CACNA2D3: variants seen among roughly 807,000 people sequenced by gnomAD.
The protein encoded by CACNA2D3 is calcium voltage-gated channel auxiliary subunit alpha2delta 3, also known as voltage-dependent calcium channel subunit alpha-2/delta-3.
CACNA2D3 carries 60 observed loss-of-function variants against 160.6 expected under a neutral mutation model. The ratio of observed to expected loss-of-function variants is 0.37; its 90% confidence interval spans 0.30 to 0.46. The LOEUF (loss-of-function observed/expected upper bound fraction) is 0.46, where lower values mean the gene tolerates loss of function less well. Ranked by LOEUF, CACNA2D3 falls within the 20% of genes least tolerant of loss-of-function variation. The probability of loss-of-function intolerance (pLI) is 1.00; values close to 1 mark genes in which losing one functional copy is unlikely to be tolerated. For missense variants in CACNA2D3, 1,205 were observed against 1,365.0 expected (o/e 0.88, Z 1.85); for synonymous variants, 558 against 492.9 (o/e 1.13, Z -1.75).
intron 13 of CACNA2D3, among the ~76,000 whole-genome samples, chr3:54,766,985 A>G (rs72874220): frequency 6.7e-4 from 102 of 151,434 alleles, no homozygotes; most frequent in African/African-American, 2.2e-3. Flanking sequence ...CCAGAAACCA[A>G]CAGAACTGGT....
chr3:54,708,075 T>C (rs1461188173), intron 11 of CACNA2D3, among the ~76,000 whole-genome samples: 1 of 152,194 alleles, frequency 6.6e-6, no homozygotes, highest in Non-Finnish European at 1.5e-5. Flanking sequence ...GGTAATTGTT[T>C]ATTTGAAGCC....
intron 2 of CACNA2D3, among the ~76,000 whole-genome samples, chr3:54,165,620 G>C (rs796177401): frequency 8.9e-6 from 1 of 111,876 alleles, no homozygotes; most frequent in African/African-American, 3.2e-5. Flanking sequence ...AAAAAAAAAA[G>C]AAAAATTAGC....
intron 27 of CACNA2D3, among the ~76,000 whole-genome samples, chr3:54,940,318 T>C (rs992114685): frequency 2.0e-5 from 3 of 152,222 alleles, no homozygotes; most frequent in Non-Finnish European, 2.9e-5. Context: ...GGAGCAACTG[T>C]CTTCTAAAAA....
intron 3 of CACNA2D3, among the ~76,000 whole-genome samples, chr3:54,363,376 CTG>C (rs1698777654): frequency 6.6e-6 from 1 of 152,142 alleles, no homozygotes; most frequent in Non-Finnish European, 1.5e-5. Flanking sequence ...TTCAATGCCA[CTG>C]TCATCATATG....
chr3:54,464,484 G>A (rs545055994), intron 4 of CACNA2D3, among the ~76,000 whole-genome samples: 5 of 152,340 alleles, frequency 3.3e-5, no homozygotes, highest in South Asian at 4.1e-4. Flanking sequence ...AATGGCGAGC[G>A]CCCCTCCCCC....
intron 4 of CACNA2D3, among the ~76,000 whole-genome samples, chr3:54,432,238 C>G (rs9818236): frequency 6.6e-6 from 1 of 152,104 alleles, no homozygotes; most frequent in Non-Finnish European, 1.5e-5. Context: ...TCTCAACATT[C>G]TGATCCTTCT....
At chr3:54,280,467 A>G (rs940521867) in intron 2 of CACNA2D3, among the ~76,000 whole-genome samples, 1 of 152,158 alleles carries the variant, frequency 6.6e-6, no homozygotes, top group African/African-American at 2.4e-5. Context: ...AGAAACCCAA[A>G]GAAGTTCCTG....
chr3:54,156,299 G>T (rs968809644), intron 2 of CACNA2D3, among the ~76,000 whole-genome samples: 3 of 152,140 alleles, frequency 2.0e-5, no homozygotes, highest in Non-Finnish European at 4.4e-5. Flanking sequence ...CATTTTCTAG[G>T]GAATTCTGGG....
At chr3:54,221,709 C>T (rs1021887582) in intron 2 of CACNA2D3, among the ~76,000 whole-genome samples, 6 of 152,108 alleles carry the variant, frequency 3.9e-5, no homozygotes, top group African/African-American at 1.4e-4. Context: ...AACGTATGTA[C>T]CTTGTCCCAT....
At chr3:54,285,370 C>T (rs921361295) in intron 2 of CACNA2D3, among the ~76,000 whole-genome samples, 8 of 152,194 alleles carry the variant, frequency 5.3e-5, no homozygotes, top group South Asian at 2.1e-4. Context: ...AAGGCGGCAG[C>T]GAGGCTGGGG....
intron 3 of CACNA2D3, among the ~76,000 whole-genome samples, chr3:54,358,166 T>C (rs1454093466): frequency 5.3e-5 from 8 of 152,166 alleles, no homozygotes; most frequent in Admixed American, 3.3e-4. Context: ...CAAGGTGATA[T>C]ATGGGGAGTT....
intron 5 of CACNA2D3, among the ~76,000 whole-genome samples, chr3:54,555,564 G>C (rs6414587): frequency 6.6e-6 from 1 of 152,000 alleles, no homozygotes; most frequent in East Asian, 1.9e-4. Flanking sequence ...GGTTGTGGGA[G>C]GCGCTCTTCA....
intron 27 of CACNA2D3, among the ~76,000 whole-genome samples, chr3:54,943,151 A>G (rs1269992592): frequency 3.3e-5 from 5 of 151,556 alleles, no homozygotes; most frequent in African/African-American, 7.3e-5. Flanking sequence ...ACAGTGGACT[A>G]TGATCATGCC....
chr3:54,809,870 C>G (rs1306325321), intron 13 of CACNA2D3, among the ~76,000 whole-genome samples: 3 of 152,022 alleles, frequency 2.0e-5, no homozygotes, highest in Non-Finnish European at 2.9e-5. Context: ...AGGAATACAA[C>G]AGTGAATAAG....
intron 27 of CACNA2D3, chr3:54,927,978 C>A: frequency 6.6e-7 from 1 of 1,504,502 alleles, no homozygotes; most frequent in Non-Finnish European, 9.2e-7. Context: ...GAGCAACACA[C>A]GAAGGGCATG....
intron 3 of CACNA2D3, among the ~76,000 whole-genome samples, chr3:54,381,661 A>G (rs968810723): frequency 6.6e-6 from 1 of 152,182 alleles, no homozygotes; most frequent in Non-Finnish European, 1.5e-5. Flanking sequence ...GCATTCTGTA[A>G]TGTTGTGCGG....
At chr3:54,819,135 G>C (rs1215560020) in intron 14 of CACNA2D3, among the ~76,000 whole-genome samples, 3 of 151,604 alleles carry the variant, frequency 2.0e-5, no homozygotes, top group Non-Finnish European at 4.4e-5. Flanking sequence ...GCAAGTGTCA[G>C]CTTTCCTTAG....
At chr3:54,716,908 CTT>C (rs35289105) in intron 11 of CACNA2D3, among the ~76,000 whole-genome samples, 3,875 of 145,986 alleles carry the variant, frequency 0.027, 77 homozygotes, top group East Asian at 0.045. Flanking sequence ...TTGTGTGGCA[CTT>C]TTTTTTTTTT....
intron 17 of CACNA2D3, among the ~76,000 whole-genome samples, chr3:54,867,299 G>C (rs1173724107): frequency 1.3e-5 from 2 of 152,052 alleles, no homozygotes; most frequent in Non-Finnish European, 2.9e-5. Context: ...AGGGGGAGTA[G>C]GCAAGGAGAA....
Sources: gnomAD v4.1 joint callset for allele counts (sites outside exome capture counted in the v4.1 genomes callset) on GRCh38, gnomAD v4.1.1 for gene constraint, MANE v1.5 for transcripts, NCBI Gene and HGNC (gene_info 2026-07-23, HGNC 2026-07-21) for gene names.